MET: variants seen among roughly 807,000 people sequenced by gnomAD.
MET encodes MET proto-oncogene, receptor tyrosine kinase, also known as hepatocyte growth factor receptor.
In MET, 48 loss-of-function variants were observed where a neutral mutation model predicts 133.1. That is an observed-to-expected ratio of 0.36 (90% CI 0.29 to 0.46). The LOEUF is 0.46. Among genes scored for constraint, MET ranks in the 20% least tolerant of loss-of-function variants. The pLI is 1.00. For missense variants in MET, 1,442 were observed against 1,695.9 expected, an observed-to-expected ratio of 0.85 and a Z score of 2.63; for synonymous variants, 628 against 616.5, an observed-to-expected ratio of 1.02 and a Z score of -0.28.
intron 5 of MET, among the ~76,000 whole-genome samples, chr7:116,744,413 A>G (rs1032016537): frequency 8.5e-5 from 13 of 152,220 alleles, no homozygotes; most frequent in African/African-American, 2.2e-4. Context: ...CAATAGCCAA[A>G]TCAATCAAGT....
At chr7:116,746,063 A>C (rs941008420) in intron 5 of MET, among the ~76,000 whole-genome samples, 1 of 152,206 alleles carries the variant, frequency 6.6e-6, no homozygotes, top group Admixed American at 6.5e-5. Flanking sequence ...GAATCTACAA[A>C]GAACTCAAAC....
At chr7:116,724,860 C>G (rs1253443305) in intron 2 of MET, 1 of 1,284,468 alleles carries the variant, frequency 7.8e-7, no homozygotes, top group African/African-American at 1.5e-5. Flanking sequence ...AATGTGAACA[C>G]TCAGTGCCTC....
intron 3 of MET, among the ~76,000 whole-genome samples, chr7:116,735,226 G>A (rs550972014): frequency 7.9e-5 from 12 of 152,078 alleles, no homozygotes; most frequent in African/African-American, 2.2e-4. Flanking sequence ...TGCCCCTTTC[G>A]CCTCTCCAAG....
intron 4 of MET, 54 bp downstream of exon 4, chr7:116,740,138 T>C: frequency 1.2e-6 from 2 of 1,604,616 alleles, no homozygotes; most frequent in Non-Finnish European, 1.7e-6. Flanking sequence ...CAAATGCATA[T>C]TTACAACCAG....
chr7:116,700,024 T>C lies in MET; in HGVS notation c.940T>C (p.Phe314Leu), dbSNP rs2116601372. ...RKKRSTKKEV[F>L]NILQAAYVSK... Reference sequence around the variant, plus strand: ...AAAGAGATCCACAAAGAAGGAAGTGTTTAATATACTTCAGGCTGCGTATGT... The same window carrying C: ...AAAGAGATCCACAAAGAAGGAAGTGCTTAATATACTTCAGGCTGCGTATGT... Residue 314 changes from phenylalanine to leucine, a missense_variant, in exon 2 of 21, where the codon TTT (phenylalanine) becomes CTT (leucine). Phe to Leu is a conservative substitution (Grantham distance 22). Transcript: ENST00000397752. The C allele has an allele frequency of 6.2e-7, 1 of 1,613,946 alleles. No individual in the cohort carries two copies. The highest frequency in any genetic ancestry group is 2.2e-5 in the East Asian group (1 of 44,884).
intron 5 of MET, among the ~76,000 whole-genome samples, chr7:116,754,943 GAA>G (rs1484082824): frequency 1.7e-4 from 23 of 135,038 alleles, no homozygotes; most frequent in African/African-American, 4.9e-4. Flanking sequence ...AAGAAAGAAA[GAA>G]AGAAAGAGAA....
rs202049553 is a variant in MET, at chr7:116,721,184, C to G, written c.1201-10484C>G. On this transcript the variant is annotated intron_variant, in intron 2 of 20. Transcript: ENST00000397752. ...TCAGCTCCTGTTATTGGTCTATTCA[C>G]AGATTCTACTTCTTCCTGGTTTAGT... Among the ~76,000 whole-genome samples the G allele has an allele frequency of 1.7e-3, 265 of 152,304 alleles. 2 individuals carry two copies. Among genetic ancestry groups the G allele is most frequent in the African/African-American group, 6.1e-3 (252 of 41,552 alleles).
At chr7:116,741,211 C>T in intron 5 of MET, 186 bp downstream of exon 5, 2 of 688,560 alleles carry the variant, frequency 2.9e-6, no homozygotes, top group Admixed American at 2.7e-5. Context: ...GGCTTTATCC[C>T]TCGGGCAGGG....
rs761227260 is a variant in MET, at chr7:116,758,444, ATT to A, written c.2103-8_2103-7del. 1.2e-6 allele frequency: 2 copies of A among 1,611,230 alleles called. No homozygotes were observed. Among genetic ancestry groups the A allele is most frequent in the East Asian group, 4.5e-5 (2 of 44,820 alleles). ...CTAATAGCTAAAATTCACTTCCTTA[ATT>A]TTTTTTGTTCAGTGTGTCAAACAGT... On this transcript the variant is annotated splice_polypyrimidine_tract_variant and intron_variant, in intron 8 of 20. Coordinates refer to ENST00000397752, the MANE Select transcript of MET (RefSeq NM_000245.4).
intron 2 of MET, among the ~76,000 whole-genome samples, chr7:116,730,525 T>C (rs779165473): frequency 2.0e-5 from 3 of 152,114 alleles, no homozygotes; most frequent in Non-Finnish European, 4.4e-5. Context: ...GTGGTGGGTC[T>C]AGTTAAGAAG....
At chr7:116,765,348 T>G (rs1460044267) in intron 11 of MET, among the ~76,000 whole-genome samples, 3 of 147,678 alleles carry the variant, frequency 2.0e-5, no homozygotes, top group Non-Finnish European at 4.5e-5. Flanking sequence ...GAGAGAATCA[T>G]GTGTTTAGAA....
intron 2 of MET, among the ~76,000 whole-genome samples, chr7:116,713,549 G>A (rs1384111159): frequency 6.6e-6 from 1 of 152,170 alleles, no homozygotes; most frequent in Admixed American, 6.5e-5. Flanking sequence ...TGGCCTTGGT[G>A]TAGATGCAGT....
intron 10 of MET, 93 bp from the exon 11 acceptor site, chr7:116,762,957 A>G (rs1794452845): frequency 7.5e-6 from 8 of 1,071,738 alleles, no homozygotes; most frequent in Non-Finnish European, 1.1e-5. Context: ...AAAATTATAT[A>G]TTTTCAATTG....
chr7:116,716,259 A>C (rs544075216), intron 2 of MET, among the ~76,000 whole-genome samples: 1 of 131,470 alleles, frequency 7.6e-6, no homozygotes, highest in Non-Finnish European at 1.6e-5. Context: ...TCAAGCAAGC[A>C]AGCAAGAGGG....
chr7:116,756,471 G>T (rs1001442050), intron 6 of MET, among the ~76,000 whole-genome samples: 1 of 152,112 alleles, frequency 6.6e-6, no homozygotes, highest in African/African-American at 2.4e-5. Flanking sequence ...TAGCTGAATG[G>T]CAAAACAAAT....
At chr7:116,724,768 A>G in intron 2 of MET, 1 of 1,224,946 alleles carries the variant, frequency 8.2e-7, no homozygotes, top group South Asian at 1.3e-5. Flanking sequence ...CTCTCCCTTT[A>G]CAGGCAGAAA....
intron 19 of MET, among the ~76,000 whole-genome samples, chr7:116,786,654 G>A (rs893409118): frequency 2.0e-5 from 3 of 152,200 alleles, no homozygotes; most frequent in African/African-American, 4.8e-5. Flanking sequence ...ATGGAATGGA[G>A]AGTACACTTA....
chr7:116,761,746 A>G (rs1007628450), intron 10 of MET, among the ~76,000 whole-genome samples: 1 of 152,072 alleles, frequency 6.6e-6, no homozygotes, highest in African/African-American at 2.4e-5. Flanking sequence ...TTATAATATT[A>G]ATTTTATATA....
chr7:116,736,163 T>A (rs940419521), intron 3 of MET, among the ~76,000 whole-genome samples: 8 of 152,170 alleles, frequency 5.3e-5, no homozygotes, highest in Non-Finnish European at 1.2e-4. Context: ...TAAATAATAA[T>A]TTCAGTTATG....
Sources: allele counts gnomAD v4.1 joint callset (sites outside exome capture counted in the v4.1 genomes callset), GRCh38; gene constraint gnomAD v4.1.1; transcripts MANE v1.5; gene names NCBI Gene and HGNC (gene_info 2026-07-23, HGNC 2026-07-21).